Variants in MGAM observed in about 807,000 individuals in gnomAD.
MGAM encodes the protein maltase-glucoamylase.
Under a neutral mutation model 358.8 loss-of-function variants are expected in MGAM, and 253 were observed. The ratio of observed to expected loss-of-function variants is 0.71; its 90% CI spans 0.64 to 0.78. MGAM has a LOEUF of 0.78. Among genes scored for constraint, MGAM ranks in the 30% least tolerant of loss-of-function variants. MGAM has a pLI of 0.00. For synonymous variants in MGAM, 1,105 were observed against 1,227.1 expected (o/e 0.90, Z 2.08); for missense variants, 3,080 against 3,432.6 (o/e 0.90, Z 2.57).
In MGAM at chr7:142,050,225, T is replaced by C; in HGVS notation, c.2588-10T>C. On this transcript the variant is annotated splice_polypyrimidine_tract_variant and intron_variant, in intron 22 of 70. Coordinates refer to ENST00000475668, the MANE Select transcript of MGAM (RefSeq NM_001365693.1). ...GGCCAGAATCTGACTTGTCTTTCTC[T>C]CACTTTCAGATACTGTGGCCAATAA... 1.9e-6 allele frequency: 3 copies of C among 1,613,718 alleles called. No homozygotes were observed. Among genetic ancestry groups the C allele is most frequent in the Non-Finnish European group, 2.5e-6 (3 of 1,179,658 alleles).
intron 11 of MGAM, 47 bp downstream of exon 11, chr7:142,030,540 A>G (rs769619825): frequency 1.6e-5 from 25 of 1,611,632 alleles, no homozygotes; most frequent in Non-Finnish European, 2.1e-5. Flanking sequence ...GCTCCTCCGT[A>G]TCATACACCC....
chr7:142,044,672 G>T (rs1206477503), intron 21 of MGAM, among the ~76,000 whole-genome samples: 2 of 70,438 alleles, frequency 2.8e-5, no homozygotes, highest in Admixed American at 1.9e-4. Flanking sequence ...TTATATACAC[G>T]TGTAATATAT....
intron 47 of MGAM, among the ~76,000 whole-genome samples, chr7:142,077,419 T>C (rs746189048): frequency 2.7e-5 from 4 of 145,704 alleles, no homozygotes; most frequent in Non-Finnish European, 4.7e-5. Flanking sequence ...AGAAGGATGA[T>C]AATCTTTAGA....
At chr7:142,102,867 A>G (rs529936912) in intron 69 of MGAM, among the ~76,000 whole-genome samples, 188 bp downstream of exon 69, 1 of 152,314 alleles carries the variant, frequency 6.6e-6, no homozygotes, top group East Asian at 1.9e-4. Context: ...AATTAAACCT[A>G]TCCACATCTC....
In MGAM at chr7:142,097,639, A is replaced by G; in HGVS notation, c.7739A>G (p.Asp2580Gly). ...TAYFPRARWY[D>G]YYTGVDINAR... Reference sequence around the variant, plus strand: ...TATTTCCCTAGAGCCCGCTGGTATGATTACTACACGGTAAGTTTTTCTGAA... The same window carrying G: ...TATTTCCCTAGAGCCCGCTGGTATGGTTACTACACGGTAAGTTTTTCTGAA... The change falls in exon 66 of 71, where the codon GAT becomes GGT. Residue 2580 changes from aspartate (D) to glycine (G), a missense_variant. By Grantham distance (94) the Asp-to-Gly change is moderately conservative. This residue lies in a region of MGAM where 932 missense variants were observed against 1,198.2 expected (regional missense o/e 0.78). Coordinates refer to ENST00000475668, the MANE Select transcript of MGAM (RefSeq NM_001365693.1). 6.2e-7 allele frequency: 1 copy of G among 1,609,006 alleles called. No homozygotes were observed. Among genetic ancestry groups the G allele is most frequent in the Non-Finnish European group, 8.5e-7 (1 of 1,175,920 alleles).
At chr7:142,028,900 T>TG (rs1478963304) in intron 10 of MGAM, among the ~76,000 whole-genome samples, 1 of 144,824 alleles carries the variant, frequency 6.9e-6, no homozygotes, top group African/African-American at 2.5e-5. Context: ...GGGGGTGGGT[T>TG]GGGGGAGGGA....
chr7:142,088,220 T>A (rs928815034), intron 57 of MGAM, among the ~76,000 whole-genome samples: 6 of 146,284 alleles, frequency 4.1e-5, no homozygotes, highest in African/African-American at 1.5e-4. Flanking sequence ...ACTATTGATT[T>A]AAAATGAGAC....
At chr7:142,104,148 A>C (rs1248738028) in intron 70 of MGAM, among the ~76,000 whole-genome samples, 1 of 152,146 alleles carries the variant, frequency 6.6e-6, no homozygotes, top group Non-Finnish European at 1.5e-5. Flanking sequence ...CACTGTGCCC[A>C]GCCTCAGATT....
intron 21 of MGAM, among the ~76,000 whole-genome samples, chr7:142,042,057 A>C (rs1392519596): frequency 1.3e-5 from 1 of 74,764 alleles, no homozygotes; most frequent in East Asian, 4.0e-4. Context: ...TATAATATAT[A>C]TACATATAAT....
At chr7:142,103,219 A>T in intron 69 of MGAM, 50 bp from the exon 70 acceptor site, 6 of 1,442,802 alleles carry the variant, frequency 4.2e-6, no homozygotes, top group East Asian at 2.4e-5. Context: ...GGTTAGAAAA[A>T]TTTGAACTAA....
intron 3 of MGAM, among the ~76,000 whole-genome samples, chr7:142,013,446 A>C (rs1340651048): frequency 3.9e-5 from 6 of 152,016 alleles, no homozygotes; most frequent in Non-Finnish European, 8.8e-5. Context: ...GTAGTTGCTG[A>C]AGTTTTGATT....
Position 142,064,373 on chromosome 7 carries a change from TTCC to T in MGAM, c.4346-5_4346-3del. On this transcript the variant is annotated splice_polypyrimidine_tract_variant and splice_region_variant and intron_variant, in intron 36 of 70. Coordinates refer to ENST00000475668, the MANE Select transcript of MGAM (RefSeq NM_001365693.1). ...GGGCTGGGTTTCACCTCGCCAGTTC[TTCC>T]TCCTCAGATTTGGAGTCCAGGGACA... 1.2e-6 allele frequency: 2 copies of T among 1,604,224 alleles called. No individual in the cohort carries two copies. The highest frequency in any genetic ancestry group is 1.7e-6 in the Non-Finnish European group (2 of 1,175,430).
Position 142,094,740 on chromosome 7 carries a change from G to C in MGAM, c.7342-7G>C, listed in dbSNP as rs1436325203. 1 of 1,613,664 alleles carries C rather than the reference G, an allele frequency of 6.2e-7. No individual in the cohort carries two copies. Among genetic ancestry groups the C allele is most frequent in the East Asian group, 2.2e-5 (1 of 44,862 alleles). On this transcript the variant is annotated splice_region_variant and splice_polypyrimidine_tract_variant and intron_variant, in intron 62 of 70. Transcript: ENST00000475668. ...CAGCAGGCTCCTTTTATTTCCTCTTGTTTCAGACGGGAGCAGATATCTGTG... is the reference window on the plus strand; with the variant it reads ...CAGCAGGCTCCTTTTATTTCCTCTTCTTTCAGACGGGAGCAGATATCTGTG...
chr7:142,082,477 C>T lies in MGAM; in HGVS notation c.6174C>T (p.Tyr2058=). Residue 2058 remains tyrosine, a splice_region_variant and synonymous_variant, in exon 52 of 71, where the codon TAC becomes TAT. Coordinates refer to ENST00000475668, the MANE Select transcript of MGAM (RefSeq NM_001365693.1). ...TGCTTCTCCCCATGACTCTCCAGTA[C>T]AAGAAGAATTCCTATGGTGTCCACC... The part of the protein sequence containing the change: ...GMFSRDQPPG[Y]KKNSYGVHPY... 2 of 1,521,958 alleles carry T rather than the reference C, an allele frequency of 1.3e-6. 1 individual carries two copies. Among genetic ancestry groups the T allele is most frequent in the Non-Finnish European group, 1.8e-6 (2 of 1,111,982 alleles). The allele number at this position is 1,521,958 out of a possible 1,614,324, so 94.3% of individuals were successfully genotyped here. A position where few individuals can be genotyped will look rare whatever the true frequency, so the allele number is the denominator to read the frequency against.
At chr7:142,066,451 A>G in intron 40 of MGAM, 122 bp from the exon 41 acceptor site, 1 of 1,152,292 alleles carries the variant, frequency 8.7e-7, no homozygotes, top group South Asian at 1.4e-5. Context: ...TCTGGGCCTC[A>G]TGTATAGTTT....
chr7:142,057,752 G>A (rs1811701865), intron 30 of MGAM, among the ~76,000 whole-genome samples: 3 of 152,100 alleles, frequency 2.0e-5, no homozygotes, highest in Non-Finnish European at 2.9e-5. Flanking sequence ...ATCACTTGCT[G>A]CATGTTAGAG....
At chr7:142,035,043 C>T (rs1554465361) in intron 16 of MGAM, among the ~76,000 whole-genome samples, 1 of 152,172 alleles carries the variant, frequency 6.6e-6, no homozygotes, top group Non-Finnish European at 1.5e-5. Flanking sequence ...ACAGAACGTG[C>T]AACTTTGATA....
At position 142,038,513 on chromosome 7, in the gene MGAM, T is replaced by A. The variant is rs1181850618; in HGVS notation, c.2232-18T>A. ...GGCAGTGGCTCAAATCTCAGTGAAC[T>A]GTCTCTCTGGTTTTCAGGTTCTACG... On this transcript the variant is annotated intron_variant, in intron 18 of 70. Coordinates refer to ENST00000475668, the MANE Select transcript of MGAM (RefSeq NM_001365693.1). 6.3e-7 allele frequency: 1 copy of A among 1,589,208 alleles called. No individual in the cohort carries two copies. Among genetic ancestry groups the A allele is most frequent in the East Asian group, 2.3e-5 (1 of 44,238 alleles).
At chr7:142,087,162 T>A (rs1388315984) in intron 57 of MGAM, among the ~76,000 whole-genome samples, 4 of 140,786 alleles carry the variant, frequency 2.8e-5, no homozygotes, top group African/African-American at 9.9e-5. Flanking sequence ...TTGGTGTATC[T>A]TTTTTTTTTC....
Sources: gnomAD v4.1 joint callset for allele counts (sites outside exome capture counted in the v4.1 genomes callset) on GRCh38, gnomAD v4.1.1 for gene constraint, gnomAD v4.1.1 regional missense constraint, MANE v1.5 for transcripts, NCBI Gene and HGNC (gene_info 2026-07-23, HGNC 2026-07-21) for gene names.